The following SULF2 variants were observed in gnomAD, a reference collection of about 807,000 sequenced individuals.
The protein encoded by SULF2 is sulfatase 2, also known as extracellular sulfatase Sulf-2.
SULF2 carries 52 observed loss-of-function variants against 107.7 expected under a neutral mutation model. That is an observed-to-expected ratio of 0.48 (90% CI 0.39 to 0.61). The LOEUF is 0.61. Ranked by LOEUF, SULF2 falls within the 20% of genes least tolerant of loss-of-function variation. The pLI is 0.00. For missense variants in SULF2, 993 were observed against 1,177.3 expected, an observed-to-expected ratio of 0.84 and a Z score of 2.29; for synonymous variants, 460 against 464.3, an observed-to-expected ratio of 0.99 and a Z score of 0.12.
intron 1 of SULF2, among the ~76,000 whole-genome samples, chr20:47,776,800 G>A (rs2090733811): frequency 1.3e-5 from 2 of 152,216 alleles, no homozygotes; most frequent in African/African-American, 4.8e-5. Flanking sequence ...CCCCAGCTCT[G>A]GCACTGGGGA....
chr20:47,778,735 C>T (rs546921235), intron 1 of SULF2, among the ~76,000 whole-genome samples: 40 of 152,310 alleles, frequency 2.6e-4, no homozygotes, highest in African/African-American at 8.9e-4. Context: ...AGGGGAGGCT[C>T]AGCCCGAGCC....
chr20:47,671,955 C>T (rs2087487524), intron 11 of SULF2, among the ~76,000 whole-genome samples: 1 of 152,206 alleles, frequency 6.6e-6, no homozygotes, highest in African/African-American at 2.4e-5. Flanking sequence ...GGTGATCTGC[C>T]TGCCTCGGAC....
intron 15 of SULF2, 95 bp from the exon 16 acceptor site, chr20:47,663,717 G>T: frequency 1.4e-6 from 2 of 1,390,694 alleles, no homozygotes; most frequent in Non-Finnish European, 1.9e-6. Flanking sequence ...CTTCGCTGAG[G>T]CTTCTCCAAC....
chr20:47,661,560 G>T, intron 18 of SULF2: 1 of 400,746 alleles, frequency 2.5e-6, no homozygotes, highest in Non-Finnish European at 4.6e-6. Flanking sequence ...GTGTTTCCTG[G>T]GCAGTTGGTG....
rs2088291525 is a variant in SULF2 at position 47,694,032 on chromosome 20, C to T, written c.568-3737G>A. ...CTCCTTATCCATCCTCCTCAGTGGC[C>T]ACTCCTCGGCTAAGTCTTCCCCGAT... On this transcript the variant is annotated intron_variant, in intron 4 of 20. Coordinates refer to ENST00000688720, the MANE Select transcript of SULF2 (RefSeq NM_001387048.1). This position sits in a 1 kb window ranked among gnomAD's most constrained non-coding sequence, Gnocchi z 4.4. Among the ~76,000 whole-genome samples, 3 of 152,206 alleles carry T rather than the reference C, an allele frequency of 2.0e-5. No individual in the cohort carries two copies.
intron 7 of SULF2, among the ~76,000 whole-genome samples, chr20:47,679,686 T>C (rs893105222): frequency 3.3e-5 from 5 of 152,178 alleles, no homozygotes; most frequent in Admixed American, 2.0e-4. Flanking sequence ...ACCACAGCCC[T>C]GGCCGGCACC....
chr20:47,749,810 A>G (rs974766219), intron 2 of SULF2, among the ~76,000 whole-genome samples: 3 of 152,206 alleles, frequency 2.0e-5, no homozygotes, highest in African/African-American at 7.2e-5. Flanking sequence ...GATTCAGTAA[A>G]GCACAAACAA....
intron 3 of SULF2, among the ~76,000 whole-genome samples, chr20:47,716,538 C>T (rs553841325): frequency 6.6e-6 from 1 of 152,140 alleles, no homozygotes; most frequent in Admixed American, 6.5e-5. Context: ...TATATTTTTC[C>T]CAAACAAAAT....
intron 4 of SULF2, among the ~76,000 whole-genome samples, chr20:47,699,300 A>G (rs1055952848): frequency 6.6e-6 from 1 of 152,048 alleles, no homozygotes; most frequent in African/African-American, 2.4e-5. Context: ...CTCTCAATGA[A>G]TACTTGTTGG....
chr20:47,710,449 T>C (rs768120259), intron 3 of SULF2, among the ~76,000 whole-genome samples: 6 of 151,808 alleles, frequency 4.0e-5, no homozygotes, highest in Non-Finnish European at 8.8e-5. Flanking sequence ...GTAGGGGGGT[T>C]TGTAGCCTAG....
chr20:47,742,746 G>A (rs1290310179), intron 2 of SULF2, among the ~76,000 whole-genome samples: 1 of 152,044 alleles, frequency 6.6e-6, no homozygotes, highest in Non-Finnish European at 1.5e-5. Context: ...ATTTTTGGAT[G>A]CACCATCCAG....
At chr20:47,686,744 C>T (rs1403284505) in intron 5 of SULF2, among the ~76,000 whole-genome samples, 2 of 152,174 alleles carry the variant, frequency 1.3e-5, no homozygotes, top group South Asian at 2.1e-4. Context: ...CTGTGGACAC[C>T]GTTGCTATGT....
At chr20:47,700,760 C>T (rs2088539010) in intron 4 of SULF2, among the ~76,000 whole-genome samples, 1 of 151,818 alleles carries the variant, frequency 6.6e-6, no homozygotes, top group African/African-American at 2.4e-5. Flanking sequence ...ATTCTCCTGC[C>T]TCAGCCTCCC....
intron 1 of SULF2, among the ~76,000 whole-genome samples, chr20:47,776,171 T>C (rs1273412457): frequency 6.6e-6 from 1 of 152,214 alleles, no homozygotes; most frequent in Non-Finnish European, 1.5e-5. Context: ...CTATAGGGGA[T>C]GGTGGGGACC....
In SULF2 at chr20:47,694,168, G is replaced by A. The variant is rs923103389; in HGVS notation, c.568-3873C>T. Among the ~76,000 whole-genome samples, 9 of 152,342 alleles carry A rather than the reference G, an allele frequency of 5.9e-5. No homozygotes were observed. Among genetic ancestry groups the A allele is most frequent in the African/African-American group, 9.6e-5 (4 of 41,582 alleles). On this transcript the variant is annotated intron_variant, in intron 4 of 20. Transcript: ENST00000688720. This position sits in a 1 kb window ranked among gnomAD's most constrained non-coding sequence, Gnocchi z 4.4. ...GCCAACAAGAGCCACCCATCCCTCCGGCCACAGGGCTTCAGCCATGCCCTG... is the reference window on the plus strand; with the variant it reads ...GCCAACAAGAGCCACCCATCCCTCCAGCCACAGGGCTTCAGCCATGCCCTG...
At chr20:47,713,788 C>T (rs1219294743) in intron 3 of SULF2, among the ~76,000 whole-genome samples, 1 of 151,542 alleles carries the variant, frequency 6.6e-6, no homozygotes, top group African/African-American at 2.4e-5. Flanking sequence ...AAAACAGAAA[C>T]AAAAAAGAAC....
Position 47,663,209 on chromosome 20 carries a change from C to T in SULF2, c.2231G>A (p.Gly744Glu), listed in dbSNP as rs1317636456. 2 of 1,614,012 alleles carry T rather than the reference C, an allele frequency of 1.2e-6. No homozygotes were observed. The highest frequency in any genetic ancestry group is 2.2e-5 in the South Asian group (2 of 91,080). The change falls in exon 17 of 21, where the codon GGG becomes GAG. Residue 744 changes from glycine to glutamate, a missense_variant. By Grantham distance (98) the Gly-to-Glu change is moderately conservative (BLOSUM62 -2). Transcript: ENST00000688720. ...HWQTAPFWTL[G>E]PFCACTSANN... is the part of the protein sequence containing the mutation. Reference sequence around the variant, plus strand: ...GGCGCTGGTGCAGGCACAGAAAGGCCCCACTGCCAAGGAAGAGAGAGCATG... The same window carrying T: ...GGCGCTGGTGCAGGCACAGAAAGGCTCCACTGCCAAGGAAGAGAGAGCATG...
chr20:47,750,735 C>A (rs982908114), intron 2 of SULF2, among the ~76,000 whole-genome samples: 6 of 152,212 alleles, frequency 3.9e-5, no homozygotes, highest in Non-Finnish European at 8.8e-5. Context: ...ATCCAACCAC[C>A]ACCTCCCTAT....
rs1251232979 is a variant in SULF2 at position 47,680,420 on chromosome 20, G to C, written c.1065-1616C>G. Among the ~76,000 whole-genome samples the C allele has an allele frequency of 6.6e-6, 1 of 152,212 alleles. No individual in the cohort carries two copies. The highest frequency in any genetic ancestry group is 1.5e-5 in the Non-Finnish European group (1 of 68,032). Reference sequence around the variant, plus strand: ...TCCTGGCTCTTGTTTCTGGCTGATGGCATTCCCAATGTAGGGTAAGGGACT... The same window carrying C: ...TCCTGGCTCTTGTTTCTGGCTGATGCCATTCCCAATGTAGGGTAAGGGACT... On this transcript the variant is annotated intron_variant, in intron 7 of 20. Transcript: ENST00000688720. This position sits in a 1 kb window ranked among gnomAD's most constrained non-coding sequence, Gnocchi z 4.2.
Sources: gnomAD v4.1 joint callset for allele counts (sites outside exome capture counted in the v4.1 genomes callset) on GRCh38, gnomAD v4.1.1 for gene constraint, Gnocchi (gnomAD v3.1) non-coding constraint, MANE v1.5 for transcripts, NCBI Gene and HGNC (gene_info 2026-07-23, HGNC 2026-07-21) for gene names.